TRPM3: variants seen among roughly 807,000 people sequenced by gnomAD.
TRPM3 encodes transient receptor potential cation channel subfamily M member 3.
A neutral mutation model predicts 181.2 loss-of-function variants in TRPM3; 77 were observed. The observed-to-expected ratio is 0.42, with a 90% confidence interval of 0.35 to 0.51. TRPM3 has a LOEUF of 0.51. Among genes scored for constraint, TRPM3 ranks in the 20% least tolerant of loss-of-function variants. The pLI is 0.01. For missense variants in TRPM3, 1,759 were observed against 2,196.7 expected (o/e 0.80, Z 3.98); for synonymous variants, 745 against 796.4 (o/e 0.94, Z 1.09).
At chr9:71,127,209 A>C (rs1454044865) in intron 1 of TRPM3, among the ~76,000 whole-genome samples, 1 of 151,968 alleles carries the variant, frequency 6.6e-6, no homozygotes, top group African/African-American at 2.4e-5. Flanking sequence ...GGGGAAACTC[A>C]CTAATAATTT....
At chr9:70,882,048 C>T (rs1220512354) in intron 1 of TRPM3, among the ~76,000 whole-genome samples, 3 of 152,074 alleles carry the variant, frequency 2.0e-5, no homozygotes, top group South Asian at 2.1e-4. Context: ...TTAGCCAGAG[C>T]GTTAAGTAGC....
intron 1 of TRPM3, among the ~76,000 whole-genome samples, chr9:71,188,978 T>C (rs1368694980): frequency 6.6e-6 from 1 of 151,920 alleles, no homozygotes; most frequent in East Asian, 1.9e-4. Flanking sequence ...AGGTCTATTT[T>C]ACAAATTCAA....
intron 1 of TRPM3, among the ~76,000 whole-genome samples, chr9:71,111,336 C>T (rs536666001): frequency 5.9e-5 from 9 of 152,172 alleles, no homozygotes; most frequent in African/African-American, 1.2e-4. Flanking sequence ...AAATCAATTA[C>T]GTACCCACCC....
intron 1 of TRPM3, among the ~76,000 whole-genome samples, chr9:71,205,207 TAAA>T (rs1174739234): frequency 6.7e-6 from 1 of 149,796 alleles, no homozygotes; most frequent in Admixed American, 6.7e-5. Context: ...AAAACTTAAA[TAAA>T]AAAAAGTAAT....
intron 1 of TRPM3, among the ~76,000 whole-genome samples, chr9:71,112,785 T>C (rs945610608): frequency 3.9e-5 from 6 of 152,178 alleles, no homozygotes; most frequent in African/African-American, 1.2e-4. Context: ...CTGATGTTTA[T>C]GGACATGCAG....
intron 14 of TRPM3, among the ~76,000 whole-genome samples, chr9:70,624,483 C>T (rs971475031): frequency 6.6e-6 from 1 of 152,114 alleles, no homozygotes; most frequent in Non-Finnish European, 1.5e-5. Flanking sequence ...TTGAAAAGTT[C>T]ACTTACATGG....
intron 1 of TRPM3, among the ~76,000 whole-genome samples, chr9:70,872,106 T>C (rs1311875157): frequency 6.6e-6 from 1 of 152,020 alleles, no homozygotes; most frequent in Non-Finnish European, 1.5e-5. Context: ...GCAAACGTTT[T>C]CTGCTAAGGG....
chr9:70,617,015 G>A (rs977407907), intron 17 of TRPM3, among the ~76,000 whole-genome samples: 2 of 152,336 alleles, frequency 1.3e-5, no homozygotes, highest in East Asian at 1.9e-4. Context: ...GCTCCAAGAT[G>A]AGGGGCTAAG....
intron 3 of TRPM3, among the ~76,000 whole-genome samples, chr9:70,857,935 C>T (rs935898664): frequency 6.6e-6 from 1 of 152,166 alleles, no homozygotes; most frequent in African/African-American, 2.4e-5. Flanking sequence ...TCCTTGGTGG[C>T]TTAAGCTCTG....
At chr9:70,674,705 A>G (rs2063647044) in intron 9 of TRPM3, among the ~76,000 whole-genome samples, 1 of 148,348 alleles carries the variant, frequency 6.7e-6, no homozygotes, top group South Asian at 2.1e-4. Flanking sequence ...GACTACATGC[A>G]TATGCCACTA....
intron 7 of TRPM3, among the ~76,000 whole-genome samples, chr9:70,770,385 T>TCAATA (rs2079993292): frequency 1.3e-5 from 2 of 152,218 alleles, no homozygotes; most frequent in Admixed American, 6.5e-5. Context: ...AATAGCTGTT[T>TCAATA]GGGGATGTTA....
intron 5 of TRPM3, among the ~76,000 whole-genome samples, chr9:70,841,623 A>ACT (rs2094635925): frequency 3.7e-5 from 2 of 54,264 alleles, no homozygotes; most frequent in Admixed American, 2.3e-4. Context: ...TCTATATCCC[A>ACT]CTATATATAT....
chr9:71,318,955 AG>A (rs1185565525), intron 1 of TRPM3, among the ~76,000 whole-genome samples: 1 of 149,232 alleles, frequency 6.7e-6, no homozygotes, highest in East Asian at 2.0e-4. Flanking sequence ...AAGCAACTAC[AG>A]GCTGCTTTCT....
At chr9:71,064,653 G>A (rs2061699220) in intron 1 of TRPM3, among the ~76,000 whole-genome samples, 1 of 152,028 alleles carries the variant, frequency 6.6e-6, no homozygotes, top group South Asian at 2.1e-4. Context: ...TTATTTAGGA[G>A]GAAAAGCATG....
At chr9:70,950,082 C>T (rs1412173411) in intron 1 of TRPM3, among the ~76,000 whole-genome samples, 1 of 152,140 alleles carries the variant, frequency 6.6e-6, no homozygotes, top group Non-Finnish European at 1.5e-5. Context: ...CATTTGAAGC[C>T]TCCCTTCACA....
chr9:71,018,879 A>G (rs2097812778), intron 1 of TRPM3, among the ~76,000 whole-genome samples: 1 of 151,928 alleles, frequency 6.6e-6, no homozygotes, highest in Non-Finnish European at 1.5e-5. Context: ...TCTTAGGTAA[A>G]ATATCCTAAA....
At position 70,937,164 on chromosome 9, in the gene TRPM3, CA is replaced by C. The variant is rs370669673; in HGVS notation, c.178-72654del. Among the ~76,000 whole-genome samples the C allele has an allele frequency of 4.3e-3, 643 of 148,044 alleles. 6 individuals are homozygous for C. The highest frequency in any genetic ancestry group is 0.014 in the African/African-American group (567 of 40,442). On this transcript the variant is annotated intron_variant, in intron 1 of 25. Transcript: ENST00000677713. ...AACTTCTTTTCATAATTGTACATTT[CA>C]AAAAAAAAATAAGTCTTTCAAAGTA...
At chr9:70,936,362 G>T (rs2133479166) in intron 1 of TRPM3, among the ~76,000 whole-genome samples, 1 of 152,284 alleles carries the variant, frequency 6.6e-6, no homozygotes, top group South Asian at 2.1e-4. Context: ...AATTTTCCTT[G>T]AAGGGTGAGA....
intron 1 of TRPM3, among the ~76,000 whole-genome samples, chr9:71,042,303 G>A (rs2058920646): frequency 6.6e-6 from 1 of 152,004 alleles, no homozygotes; most frequent in African/African-American, 2.4e-5. Flanking sequence ...AATTTGTGTT[G>A]CTTTTCTTCA....
Sources: gnomAD v4.1 joint callset for allele counts (sites outside exome capture counted in the v4.1 genomes callset) on GRCh38, gnomAD v4.1.1 for gene constraint, MANE v1.5 for transcripts, NCBI Gene and HGNC (gene_info 2026-07-23, HGNC 2026-07-21) for gene names.